Variants in TBL1X observed in about 807,000 individuals in gnomAD.
The protein encoded by TBL1X is transducin beta like 1 X-linked.
Under a neutral mutation model 50.7 loss-of-function variants are expected in TBL1X, and 10 were observed. The ratio of observed to expected loss-of-function variants is 0.20; its 90% confidence interval spans 0.12 to 0.33. The LOEUF (loss-of-function observed/expected upper bound fraction) is 0.33, where lower values mean the gene tolerates loss of function less well. Ranked by LOEUF, TBL1X falls within the 10% of genes least tolerant of loss-of-function variation. TBL1X has a pLI of 1.00. For synonymous variants in TBL1X, 190 were observed against 214.7 expected, an observed-to-expected ratio of 0.88 and a Z score of 1.01; for missense variants, 340 against 504.4, an observed-to-expected ratio of 0.67 and a Z score of 3.12.
intron 12 of TBL1X, among the ~76,000 whole-genome samples, chrX:9,701,166 C>T (rs140305635): frequency 0.017 from 1,901 of 111,330 alleles, 22 homozygotes; most frequent in Non-Finnish European, 0.023. Flanking sequence ...TACAACGCTA[C>T]GGCTACGCGA....
At chrX:9,592,952 A>G (rs1237168611) in intron 2 of TBL1X, among the ~76,000 whole-genome samples, 5 of 90,012 alleles carry the variant, frequency 5.6e-5, no homozygotes, top group Non-Finnish European at 8.8e-5. Context: ...CGTGTGCTTC[A>G]TGGGAAATAT....
intron 15 of TBL1X, among the ~76,000 whole-genome samples, chrX:9,709,965 C>G (rs1160337309): frequency 8.9e-6 from 1 of 112,543 alleles, no homozygotes; most frequent in African/African-American, 3.2e-5. Flanking sequence ...TGGCTTACGC[C>G]TATAATCTCA....
intron 2 of TBL1X, among the ~76,000 whole-genome samples, chrX:9,540,433 G>A (rs778673374): frequency 1.2e-3 from 130 of 112,415 alleles, no homozygotes; most frequent in Non-Finnish European, 2.2e-3. Context: ...GAGAAATTGT[G>A]AACCAGAAAG....
intron 1 of TBL1X, among the ~76,000 whole-genome samples, chrX:9,478,874 C>T (rs1051402165): frequency 8.9e-6 from 1 of 112,617 alleles, no homozygotes; most frequent in Admixed American, 9.4e-5. Flanking sequence ...AATCCATCCC[C>T]TTAGTTAAGG....
intron 1 of TBL1X, among the ~76,000 whole-genome samples, chrX:9,496,448 A>G (rs895803558): frequency 3.5e-5 from 4 of 112,771 alleles, no homozygotes; most frequent in African/African-American, 1.3e-4. Context: ...CCTCTCCCCC[A>G]GGGCTGACAC....
intron 2 of TBL1X, among the ~76,000 whole-genome samples, chrX:9,600,475 G>GGGTGGGGA (rs1555899125): frequency 1.2e-4 from 9 of 73,674 alleles, no homozygotes; most frequent in African/African-American, 5.1e-4. Flanking sequence ...TGGGCGGGGG[G>GGGTGGGGA]GGGGGTACAC....
intron 5 of TBL1X, among the ~76,000 whole-genome samples, chrX:9,669,472 C>T (rs1053667624): frequency 8.9e-6 from 1 of 111,896 alleles, no homozygotes; most frequent in African/African-American, 3.2e-5. Context: ...CTCTGCTAGC[C>T]GCCCCATGTC....
chrX:9,622,365 A>G (rs1458629926), intron 2 of TBL1X, among the ~76,000 whole-genome samples: 1 of 111,101 alleles, frequency 9.0e-6, no homozygotes, highest in Admixed American at 9.6e-5. Context: ...GACTTCATAT[A>G]GTGGAATCAT....
chrX:9,716,081 C>T (rs981392691), intron 17 of TBL1X, 139 bp from the exon 18 acceptor site: 39 of 624,816 alleles, frequency 6.2e-5, no homozygotes, highest in South Asian at 1.3e-4. Context: ...CCCTTCATGA[C>T]GATGTTCCAA....
At chrX:9,704,930 G>T in intron 12 of TBL1X, 63 bp from the exon 13 acceptor site, 1 of 1,203,797 alleles carries the variant, frequency 8.3e-7, no homozygotes, top group Non-Finnish European at 1.1e-6. Context: ...GCTGTTCATT[G>T]TTGTAAATCC....
intron 2 of TBL1X, among the ~76,000 whole-genome samples, chrX:9,522,611 CATT>C (rs2082112240): frequency 8.9e-6 from 1 of 111,992 alleles, no homozygotes; most frequent in Non-Finnish European, 1.9e-5. Flanking sequence ...GTGTGTTTCT[CATT>C]ATGACTATGT....
intron 2 of TBL1X, among the ~76,000 whole-genome samples, chrX:9,622,387 C>T (rs984359511): frequency 9.0e-6 from 1 of 111,332 alleles, no homozygotes; most frequent in African/African-American, 3.3e-5. Flanking sequence ...CATTAATTGT[C>T]CTTTCATATC....
intron 2 of TBL1X, among the ~76,000 whole-genome samples, chrX:9,518,082 G>C (rs1212761079): frequency 2.1e-5 from 2 of 94,009 alleles, no homozygotes; most frequent in Non-Finnish European, 4.1e-5. Flanking sequence ...CTGGGCAACA[G>C]AGCCAGATCC....
intron 2 of TBL1X, among the ~76,000 whole-genome samples, chrX:9,596,170 T>C (rs1026558157): frequency 8.9e-6 from 1 of 112,484 alleles, no homozygotes; most frequent in Admixed American, 9.4e-5. Flanking sequence ...TGGGAGAATA[T>C]TGCAGAGATG....
chrX:9,687,918 G>T, intron 6 of TBL1X, 99 bp from the exon 7 acceptor site: 1 of 1,118,679 alleles, frequency 8.9e-7, no homozygotes, highest in Non-Finnish European at 1.2e-6. Flanking sequence ...AGCTGTTTAC[G>T]CCCCACTTCC....
chrX:9,563,235 T>TC (rs2082332750), intron 2 of TBL1X, among the ~76,000 whole-genome samples: 1 of 112,819 alleles, frequency 8.9e-6, no homozygotes. Flanking sequence ...ATGTTACTGT[T>TC]CCGTGAGGAA....
At chrX:9,648,959 A>G (rs2082819696) in intron 3 of TBL1X, among the ~76,000 whole-genome samples, 1 of 111,306 alleles carries the variant, frequency 9.0e-6, no homozygotes, top group Non-Finnish European at 1.9e-5. Flanking sequence ...TTGCAGAGGA[A>G]TACTGGCCAG....
chrX:9,486,764 A>G (rs1473745156), intron 1 of TBL1X, among the ~76,000 whole-genome samples: 2 of 111,686 alleles, frequency 1.8e-5, no homozygotes. Flanking sequence ...GTCACGGGCC[A>G]TGGTCACTCA....
chrX:9,705,739 A>AG (rs1215489069), intron 13 of TBL1X, among the ~76,000 whole-genome samples: 2 of 109,894 alleles, frequency 1.8e-5, no homozygotes, highest in Non-Finnish European at 3.8e-5. Context: ...AAAAAAAAAA[A>AG]AAAAGAAAAG....
Sources: gnomAD v4.1 joint callset for allele counts (sites outside exome capture counted in the v4.1 genomes callset) on GRCh38, gnomAD v4.1.1 for gene constraint, MANE v1.5 for transcripts, NCBI Gene and HGNC (gene_info 2026-07-23, HGNC 2026-07-21) for gene names.